Variants in MYO6 observed in about 807,000 individuals in gnomAD.
MYO6 encodes the protein myosin VI, also known as unconventional myosin-VI.
In MYO6, 74 loss-of-function variants were observed where a neutral mutation model predicts 178.7. The observed-to-expected ratio is 0.41, with a 90% CI of 0.34 to 0.50. The LOEUF (loss-of-function observed/expected upper bound fraction) is 0.50, where lower values mean the gene tolerates loss of function less well. Among genes scored for constraint, MYO6 ranks in the 20% least tolerant of loss-of-function variants. The probability of loss-of-function intolerance (pLI) is 0.09; values close to 1 mark genes in which losing one functional copy is unlikely to be tolerated. For missense variants in MYO6, 1,330 were observed against 1,547.4 expected, an observed-to-expected ratio of 0.86 and a Z score of 2.36; for synonymous variants, 477 against 504.6, an observed-to-expected ratio of 0.95 and a Z score of 0.73.
At chr6:75,755,347 T>C (rs900787635) in intron 1 of MYO6, among the ~76,000 whole-genome samples, 2 of 152,202 alleles carry the variant, frequency 1.3e-5, no homozygotes, top group African/African-American at 4.8e-5. Context: ...TTTCCCCCTA[T>C]TGCTTATGTA....
chr6:75,785,375 G>A (rs1011263435), intron 1 of MYO6, among the ~76,000 whole-genome samples: 1 of 151,804 alleles, frequency 6.6e-6, no homozygotes. Context: ...AAGAACACAA[G>A]TTCTTAATTT....
intron 20 of MYO6, among the ~76,000 whole-genome samples, chr6:75,878,398 C>G (rs977765006): frequency 2.6e-5 from 4 of 152,108 alleles, no homozygotes; most frequent in Non-Finnish European, 4.4e-5. Flanking sequence ...TGTGAAAAAT[C>G]ATAGAATAGA....
rs1341581456 is a variant in MYO6, at chr6:75,833,073, A to AC, written c.497+128dup. ...ACCACCACAGCTCACTGTAGCCTTGACCTCCTGGGCTCAAGCCACTGTTCC... is the reference window on the plus strand; with the variant it reads ...ACCACCACAGCTCACTGTAGCCTTGACCCTCCTGGGCTCAAGCCACTGTTCC... On this transcript the variant is annotated intron_variant, in intron 6 of 34. Coordinates refer to ENST00000369977, the MANE Select transcript of MYO6 (RefSeq NM_004999.4). 5.7e-6 allele frequency: 4 copies of AC among 699,386 alleles called. No individual in the cohort carries two copies. In the African/African-American group the frequency reaches 7.0e-5, roughly 12 times the overall value. 43.3% of individuals were successfully genotyped at this position (699,386 alleles called of 1,614,324 possible).
intron 1 of MYO6, among the ~76,000 whole-genome samples, chr6:75,753,947 C>A (rs970850969): frequency 2.0e-5 from 3 of 152,056 alleles, no homozygotes; most frequent in African/African-American, 7.2e-5. Flanking sequence ...TGAGAAATGA[C>A]CATAAGTCCA....
At chr6:75,818,152 A>G (rs535833729) in intron 2 of MYO6, among the ~76,000 whole-genome samples, 32 of 152,268 alleles carry the variant, frequency 2.1e-4, no homozygotes, top group Middle Eastern at 6.8e-3. Context: ...AATTATTGCT[A>G]TCATTTTTGT....
intron 1 of MYO6, among the ~76,000 whole-genome samples, chr6:75,791,986 G>C (rs955029975): frequency 6.6e-6 from 1 of 152,168 alleles, no homozygotes; most frequent in Non-Finnish European, 1.5e-5. Context: ...GAAAGTAGAG[G>C]GGTTGGCACA....
At chr6:75,795,076 A>G (rs1768668021) in intron 1 of MYO6, among the ~76,000 whole-genome samples, 1 of 152,212 alleles carries the variant, frequency 6.6e-6, no homozygotes, top group Non-Finnish European at 1.5e-5. Flanking sequence ...TGAGATTATG[A>G]AATAGTAACT....
chr6:75,836,260 G>A (rs1773632381), intron 7 of MYO6, among the ~76,000 whole-genome samples: 1 of 152,220 alleles, frequency 6.6e-6, no homozygotes, highest in Non-Finnish European at 1.5e-5. Flanking sequence ...TTAGCTTCCA[G>A]TTTGTTTTAT....
chr6:75,812,943 C>G (rs1208638177), intron 1 of MYO6, among the ~76,000 whole-genome samples: 10 of 152,118 alleles, frequency 6.6e-5, no homozygotes, highest in Non-Finnish European at 1.3e-4. Context: ...ATACTGATTC[C>G]TTTCTCTTGA....
intron 1 of MYO6, among the ~76,000 whole-genome samples, chr6:75,792,898 C>A (rs1768385099): frequency 6.6e-6 from 1 of 152,058 alleles, no homozygotes; most frequent in Admixed American, 6.6e-5. Context: ...ATTCACCTGT[C>A]TTAGCCTCTC....
chr6:75,892,467 A>G, intron 27 of MYO6, 63 bp from the exon 28 acceptor site: 1 of 1,604,152 alleles, frequency 6.2e-7, no homozygotes, highest in Non-Finnish European at 8.5e-7. Context: ...TTTAAGTAAT[A>G]AGGGGAGTGA....
chr6:75,785,263 C>T (rs140638936), intron 1 of MYO6, among the ~76,000 whole-genome samples: 180 of 152,190 alleles, frequency 1.2e-3, no homozygotes, highest in Non-Finnish European at 2.1e-3. Context: ...TTTGGAAGCA[C>T]AGAGTAGCAA....
Position 75,861,048 on chromosome 6 carries a change from G to T in MYO6, c.1499G>T (p.Gly500Val), listed in dbSNP as rs1262844532. Residue 500 changes from glycine to valine, a missense_variant, in exon 15 of 35, where the codon GGT becomes GTT. Around this residue, in one of 3 missense-constraint regions of MYO6, gnomAD observed 613 missense variants for 816.8 expected, o/e 0.75. Transcript: ENST00000369977. ...GAACAAGAACTCTATCAAAAAGAAG[G>T]TTTAGGTGTTAATGAAGTGCATTAT... Reference protein sequence around the residue: ...KEEQELYQKEGLGVNEVHYVD... With the variant: ...KEEQELYQKEVLGVNEVHYVD... The T allele has an allele frequency of 6.2e-7, 1 of 1,608,864 alleles. No individual in the cohort carries two copies. The highest frequency in any genetic ancestry group is 1.3e-5 in the African/African-American group (1 of 74,792).
At chr6:75,800,348 G>A (rs1769326147) in intron 1 of MYO6, among the ~76,000 whole-genome samples, 1 of 152,074 alleles carries the variant, frequency 6.6e-6, no homozygotes, top group South Asian at 2.1e-4. Flanking sequence ...GAAGTACAGA[G>A]GCTTCCATCT....
intron 30 of MYO6, among the ~76,000 whole-genome samples, chr6:75,902,729 G>A (rs1349952503): frequency 6.6e-6 from 1 of 150,656 alleles, no homozygotes; most frequent in African/African-American, 2.4e-5. Flanking sequence ...ATTTCCTTCA[G>A]TTCTGCTCTG....
chr6:75,766,316 C>G (rs1175299588), intron 1 of MYO6, among the ~76,000 whole-genome samples: 1 of 151,612 alleles, frequency 6.6e-6, no homozygotes, highest in Non-Finnish European at 1.5e-5. Flanking sequence ...GAACTAGACT[C>G]TGTCTCAAAA....
At chr6:75,787,075 T>C (rs954201557) in intron 1 of MYO6, among the ~76,000 whole-genome samples, 2 of 152,206 alleles carry the variant, frequency 1.3e-5, no homozygotes, top group African/African-American at 4.8e-5. Flanking sequence ...CTTAAAATTT[T>C]TGAGGAGTTC....
intron 25 of MYO6, among the ~76,000 whole-genome samples, chr6:75,888,588 G>C (rs968972116): frequency 6.6e-6 from 1 of 150,810 alleles, no homozygotes; most frequent in Non-Finnish European, 1.5e-5. Context: ...CAGCCTGGGT[G>C]ACAGTGAGAC....
chr6:75,845,674 A>G (rs116948156), intron 10 of MYO6, among the ~76,000 whole-genome samples: 4 of 151,614 alleles, frequency 2.6e-5, no homozygotes, highest in East Asian at 3.9e-4. Context: ...AGCTTGGGCA[A>G]CAGAATTAAA....
Sources: allele counts gnomAD v4.1 joint callset (sites outside exome capture counted in the v4.1 genomes callset), GRCh38; gene constraint gnomAD v4.1.1; regional missense constraint gnomAD v4.1.1; transcripts MANE v1.5; gene names NCBI Gene and HGNC (gene_info 2026-07-23, HGNC 2026-07-21).